Variants in STAU2 observed in about 807,000 individuals in gnomAD.
The protein encoded by STAU2 is staufen double-stranded RNA binding protein 2.
Under a neutral mutation model 65.9 loss-of-function variants are expected in STAU2, and 20 were observed. That is an observed-to-expected ratio of 0.30 (90% CI 0.21 to 0.44). STAU2 has a LOEUF of 0.44. Ranked by LOEUF, STAU2 falls within the 20% of genes least tolerant of loss-of-function variation. STAU2 has a pLI of 1.00. For synonymous variants in STAU2, 232 were observed against 233.9 expected, an observed-to-expected ratio of 0.99 and a Z score of 0.07; for missense variants, 558 against 683.9, an observed-to-expected ratio of 0.82 and a Z score of 2.05.
intron 6 of STAU2, among the ~76,000 whole-genome samples, chr8:73,645,067 C>T (rs1188260302): frequency 6.6e-6 from 1 of 152,136 alleles, no homozygotes; most frequent in East Asian, 1.9e-4. Flanking sequence ...GAGAGAATGT[C>T]TCCCAACTCT....
intron 3 of STAU2, among the ~76,000 whole-genome samples, chr8:73,725,383 A>G (rs893854090): frequency 3.9e-5 from 6 of 152,240 alleles, no homozygotes; most frequent in African/African-American, 1.4e-4. Flanking sequence ...ATCAGCACCT[A>G]AAAATTCTAT....
intron 13 of STAU2, among the ~76,000 whole-genome samples, chr8:73,447,374 C>T (rs1818522933): frequency 6.6e-6 from 1 of 152,152 alleles, no homozygotes; most frequent in Non-Finnish European, 1.5e-5. Flanking sequence ...TTTCAAGACA[C>T]CATAAACAGC....
intron 6 of STAU2, among the ~76,000 whole-genome samples, chr8:73,646,779 C>A (rs965550994): frequency 3.3e-5 from 5 of 151,386 alleles, no homozygotes; most frequent in African/African-American, 1.2e-4. Flanking sequence ...GATGGAAAGA[C>A]AAACTATGAA....
chr8:73,516,498 TAAAA>T (rs895582958), intron 13 of STAU2, among the ~76,000 whole-genome samples: 3 of 151,986 alleles, frequency 2.0e-5, no homozygotes, highest in Non-Finnish European at 4.4e-5. Flanking sequence ...AAAGGGTATT[TAAAA>T]AAATATGTAA....
In STAU2 at chr8:73,433,243, TTG is replaced by T. The variant is rs1451213489; in HGVS notation, c.1531-10543_1531-10542del. On this transcript the variant is annotated intron_variant, in intron 13 of 14. Transcript: ENST00000524300. ...TTTTTTGAGATGGAGTCTTGCTCTG[TTG>T]CCAGGCTGGAGTGCAATGGTGCAAT... Among the ~76,000 whole-genome samples, 625 of 151,258 alleles carry T rather than the reference TTG, an allele frequency of 4.1e-3. 8 individuals are homozygous for T. The highest frequency in any genetic ancestry group is 0.015 in the African/African-American group (590 of 40,582).
intron 1 of STAU2, among the ~76,000 whole-genome samples, chr8:73,743,542 C>T (rs1807038326): frequency 6.9e-6 from 1 of 144,254 alleles, no homozygotes; most frequent in African/African-American, 2.6e-5. Context: ...GGCACCATGT[C>T]GGCTCACCGC....
At chr8:73,726,749 A>G (rs1474301424) in intron 3 of STAU2, among the ~76,000 whole-genome samples, 1 of 152,140 alleles carries the variant, frequency 6.6e-6, no homozygotes, top group African/African-American at 2.4e-5. Context: ...TGTCTTGAAC[A>G]TTTAGAGCAT....
Position 73,476,890 on chromosome 8 carries a change from A to G in STAU2, c.1531-54188T>C, listed in dbSNP as rs145257915. On this transcript the variant is annotated intron_variant, in intron 13 of 14. Coordinates refer to ENST00000524300, the MANE Select transcript of STAU2 (RefSeq NM_001164380.2). Reference sequence around the variant, plus strand: ...GACTAAGAAGTGGCTTCTAGGTACCATAGAAATGTCAGCATAGTGAGAATA... The same window carrying G: ...GACTAAGAAGTGGCTTCTAGGTACCGTAGAAATGTCAGCATAGTGAGAATA... 9.2e-5 allele frequency among the ~76,000 whole-genome samples: 14 copies of G among 152,342 alleles called. No homozygotes were observed. The East Asian group carries it at 2.7e-3, about 29-fold the overall frequency.
intron 13 of STAU2, among the ~76,000 whole-genome samples, chr8:73,514,606 T>C (rs962780836): frequency 6.6e-6 from 1 of 152,196 alleles, no homozygotes; most frequent in Non-Finnish European, 1.5e-5. Context: ...CAATTTTTGG[T>C]CCATCAACTC....
chr8:73,498,296 C>G (rs1821542677), intron 13 of STAU2, among the ~76,000 whole-genome samples: 1 of 151,780 alleles, frequency 6.6e-6, no homozygotes, highest in African/African-American at 2.4e-5. Flanking sequence ...TAATATGGCC[C>G]ATGCCCAGCA....
At chr8:73,496,673 T>C (rs1214045915) in intron 13 of STAU2, among the ~76,000 whole-genome samples, 1 of 151,332 alleles carries the variant, frequency 6.6e-6, no homozygotes, top group Non-Finnish European at 1.5e-5. Context: ...ATTTTAATAA[T>C]ATTCTTTATT....
At chr8:73,715,106 C>CT (rs1821161381) in intron 3 of STAU2, among the ~76,000 whole-genome samples, 2 of 145,922 alleles carry the variant, frequency 1.4e-5, no homozygotes, top group Admixed American at 1.4e-4. Flanking sequence ...AAAGTGAAGA[C>CT]AAACTGTTAA....
intron 6 of STAU2, among the ~76,000 whole-genome samples, chr8:73,654,257 T>C (rs1209980687): frequency 2.0e-5 from 3 of 152,140 alleles, no homozygotes; most frequent in Non-Finnish European, 4.4e-5. Flanking sequence ...ATTTTATAAA[T>C]GGGAGGATTA....
At chr8:73,440,594 C>T (rs1006750938) in intron 13 of STAU2, 3 of 152,242 alleles carry the variant, frequency 2.0e-5, no homozygotes, top group African/African-American at 7.2e-5. Context: ...ATGGTTCTAG[C>T]CCAAGCCACT....
chr8:73,642,517 G>A (rs1028228558), intron 6 of STAU2, among the ~76,000 whole-genome samples: 10 of 140,934 alleles, frequency 7.1e-5, no homozygotes, highest in East Asian at 2.3e-4. Context: ...GCAAGACTCC[G>A]TCCAAAAATA....
rs750485696 is a variant in STAU2, at chr8:73,615,733, G to C, written c.620C>G (p.Ser207Cys). ...AATTTCAAACACTAAGCTGATCTCAGACTTATTTGCATCTTTGTCATCATC... is the reference window on the plus strand; with the variant it reads ...AATTTCAAACACTAAGCTGATCTCACACTTATTTGCATCTTTGTCATCATC... ...DVDDDKDANK[S>C]EISLVFEIAL... The change falls in exon 8 of 15, where the codon TCT becomes TGT. Residue 207 changes from serine to cysteine, a missense_variant. Physicochemically the swap from Ser to Cys is moderately radical, Grantham distance 112. Transcript: ENST00000524300. The C allele has an allele frequency of 6.2e-7, 1 of 1,613,734 alleles. No individual in the cohort carries two copies. Among genetic ancestry groups the C allele is most frequent in the Non-Finnish European group, 8.5e-7 (1 of 1,179,928 alleles).
At chr8:73,693,360 A>C (rs1276772922) in intron 4 of STAU2, among the ~76,000 whole-genome samples, 1 of 151,860 alleles carries the variant, frequency 6.6e-6, no homozygotes, top group South Asian at 2.1e-4. Context: ...CTGTAGTCCC[A>C]GCTACTCGGG....
In STAU2 at chr8:73,648,262, CT is replaced by C. The variant is rs1309946049; in HGVS notation, c.410+24844del. On this transcript the variant is annotated intron_variant, in intron 6 of 14. Transcript: ENST00000524300. ...ATTTTATTTCATGGTGATTTTTATT[CT>C]AGAAAAAATACGTTCTGAAGTGAGG... Among the ~76,000 whole-genome samples, 6 of 152,014 alleles carry C rather than the reference CT, an allele frequency of 3.9e-5. 1 individual carries two copies. The highest frequency in any genetic ancestry group is 1.4e-4 in the African/African-American group (6 of 41,404).
At chr8:73,696,459 C>CT (rs1225419824) in intron 4 of STAU2, among the ~76,000 whole-genome samples, 1 of 152,172 alleles carries the variant, frequency 6.6e-6, no homozygotes, top group Admixed American at 6.5e-5. Context: ...TTCAAAATAG[C>CT]TGTTTTGAGG....
Sources: gnomAD v4.1 joint callset for allele counts (sites outside exome capture counted in the v4.1 genomes callset) on GRCh38, gnomAD v4.1.1 for gene constraint, MANE v1.5 for transcripts, NCBI Gene and HGNC (gene_info 2026-07-23, HGNC 2026-07-21) for gene names.